ANKS1B: variants seen among roughly 807,000 people sequenced by gnomAD.
ANKS1B encodes ankyrin repeat and sterile alpha motif domain containing 1B, also known as ankyrin repeat and sterile alpha motif domain-containing protein 1B.
Under a neutral mutation model 148.3 loss-of-function variants are expected in ANKS1B, and 36 were observed. That is an observed-to-expected ratio of 0.24 (90% confidence interval 0.19 to 0.32). The LOEUF is 0.32. Among genes scored for constraint, ANKS1B ranks in the 10% least tolerant of loss-of-function variants. The pLI is 1.00. For missense variants in ANKS1B, 1,157 were observed against 1,542.6 expected (o/e 0.75, Z 4.19); for synonymous variants, 542 against 560.8 (o/e 0.97, Z 0.47).
At chr12:99,296,612 C>T (rs963505728) in intron 12 of ANKS1B, among the ~76,000 whole-genome samples, 3 of 152,030 alleles carry the variant, frequency 2.0e-5, no homozygotes, top group African/African-American at 7.2e-5. Flanking sequence ...GTTTTGTTGA[C>T]TTAACAGCAT....
rs1286933230 is a variant in ANKS1B, at chr12:98,773,239, C to A, written c.3442-60G>T. 6 of 1,527,252 alleles carry A rather than the reference C, an allele frequency of 3.9e-6. No homozygotes were observed. The Admixed American group carries it at 8.4e-5, about 21-fold the overall frequency. 94.6% of individuals were successfully genotyped at this position (1,527,252 alleles called of 1,614,324 possible). On this transcript the variant is annotated intron_variant, in intron 24 of 26. Coordinates refer to ENST00000683438, the MANE Select transcript of ANKS1B (RefSeq NM_001352186.2). ...TCTGCGAACCAGCATATATGACAAC[C>A]AAGACAAGTAACCCAGGAAGCAGTT...
At chr12:99,363,832 T>C (rs2092619828) in intron 12 of ANKS1B, among the ~76,000 whole-genome samples, 1 of 152,152 alleles carries the variant, frequency 6.6e-6, no homozygotes, top group South Asian at 2.1e-4. Flanking sequence ...AGAGCATATC[T>C]TAGAGACAGA....
At chr12:99,666,857 GGTGTGTGTGTGTGTGTGTGTGT>G in intron 8 of ANKS1B, among the ~76,000 whole-genome samples, 1 of 132,628 alleles carries the variant, frequency 7.5e-6, no homozygotes, top group Non-Finnish European at 1.7e-5. Context: ...GTTACTATGG[GGTGTGTGTGTGTGTGTGTGTGT>G]GTGTGTGTGT....
At chr12:99,827,808 G>T (rs11110064) in intron 1 of ANKS1B, among the ~76,000 whole-genome samples, 9,421 of 152,166 alleles carry the variant, frequency 0.062, 324 homozygotes, top group Middle Eastern at 0.15. Flanking sequence ...ATGCAAAATA[G>T]TACAACCACT....
At chr12:99,974,755 A>G (rs1414631025) in intron 1 of ANKS1B, among the ~76,000 whole-genome samples, 1 of 151,424 alleles carries the variant, frequency 6.6e-6, no homozygotes, top group East Asian at 2.0e-4. Flanking sequence ...GGGTTTCCCT[A>G]TGTTGCCCAA....
chr12:99,494,121 G>T (rs948067069), intron 10 of ANKS1B, among the ~76,000 whole-genome samples: 2 of 152,170 alleles, frequency 1.3e-5, no homozygotes, highest in South Asian at 4.1e-4. Flanking sequence ...CCAGATGGAG[G>T]TGTCGCCAAC....
intron 3 of ANKS1B, among the ~76,000 whole-genome samples, chr12:99,807,806 C>T (rs111611652): frequency 2.0e-5 from 3 of 152,178 alleles, no homozygotes; most frequent in African/African-American, 7.2e-5. Context: ...AGCCAAGACC[C>T]AAAGTGGGTG....
At chr12:99,315,150 G>C (rs1409381023) in intron 12 of ANKS1B, among the ~76,000 whole-genome samples, 1 of 151,180 alleles carries the variant, frequency 6.6e-6, no homozygotes. Flanking sequence ...GGCTGAAACA[G>C]AATTGCTTGA....
At chr12:99,595,008 A>G (rs2097743890) in intron 9 of ANKS1B, among the ~76,000 whole-genome samples, 1 of 151,980 alleles carries the variant, frequency 6.6e-6, no homozygotes, top group Non-Finnish European at 1.5e-5. Context: ...TTAAAATCTA[A>G]TCCACATTAG....
At chr12:99,226,136 A>G (rs1257629696) in intron 14 of ANKS1B, among the ~76,000 whole-genome samples, 1 of 152,232 alleles carries the variant, frequency 6.6e-6, no homozygotes, top group African/African-American at 2.4e-5. Flanking sequence ...GAACATGAGC[A>G]TTTAGTCCAT....
chr12:99,729,080 T>C (rs975240704), intron 8 of ANKS1B, among the ~76,000 whole-genome samples: 1 of 152,252 alleles, frequency 6.6e-6, no homozygotes, highest in Non-Finnish European at 1.5e-5. Flanking sequence ...CTCCAAGATA[T>C]GCCTGTGTAA....
At chr12:99,118,521 T>C (rs2061950766) in intron 15 of ANKS1B, among the ~76,000 whole-genome samples, 2 of 152,184 alleles carry the variant, frequency 1.3e-5, no homozygotes, top group Non-Finnish European at 2.9e-5. Context: ...AGTCGCTAAC[T>C]CAAACCTTTT....
At chr12:98,737,573 T>C (rs972437005) in intron 9 of ANKS1B, among the ~76,000 whole-genome samples, 1 of 152,226 alleles carries the variant, frequency 6.6e-6, no homozygotes, top group Non-Finnish European at 1.5e-5. Flanking sequence ...TAAACACTTG[T>C]TGGATGACTG....
chr12:99,692,062 A>G (rs947663660), intron 8 of ANKS1B, among the ~76,000 whole-genome samples: 1 of 152,176 alleles, frequency 6.6e-6, no homozygotes, highest in Non-Finnish European at 1.5e-5. Flanking sequence ...TTCTGTGAAA[A>G]TTTGTTGTTA....
chr12:99,758,757 T>C (rs941455456), intron 8 of ANKS1B, among the ~76,000 whole-genome samples: 1 of 151,926 alleles, frequency 6.6e-6, no homozygotes, highest in Non-Finnish European at 1.5e-5. Context: ...AATATGTTAT[T>C]GAAGAAATTA....
chr12:99,193,641 GA>G, intron 14 of ANKS1B, among the ~76,000 whole-genome samples: 1 of 152,112 alleles, frequency 6.6e-6, no homozygotes, highest in South Asian at 2.1e-4. Flanking sequence ...TGTGATGGGT[GA>G]GGAAAAGATA....
At chr12:98,748,892 A>G (rs1000065213) in intron 26 of ANKS1B, among the ~76,000 whole-genome samples, 2 of 152,216 alleles carry the variant, frequency 1.3e-5, no homozygotes, top group Admixed American at 6.5e-5. Context: ...TATTCAGCCC[A>G]CATGAGAATG....
chr12:99,689,829 G>A (rs1303849404), intron 8 of ANKS1B, among the ~76,000 whole-genome samples: 25 of 152,160 alleles, frequency 1.6e-4, no homozygotes, highest in Admixed American at 1.6e-3. Flanking sequence ...CATGAGCCTG[G>A]CAGAGAACAA....
intron 10 of ANKS1B, among the ~76,000 whole-genome samples, chr12:99,485,168 C>T (rs183399014): frequency 1.2e-3 from 176 of 151,868 alleles, no homozygotes; most frequent in Middle Eastern, 6.8e-3. Context: ...TTTTCTTCAA[C>T]GTTTAGAACA....
Sources: gnomAD v4.1 joint callset for allele counts (sites outside exome capture counted in the v4.1 genomes callset) on GRCh38, gnomAD v4.1.1 for gene constraint, MANE v1.5 for transcripts, NCBI Gene and HGNC (gene_info 2026-07-23, HGNC 2026-07-21) for gene names.